The following TNRC6B variants were observed in gnomAD, a reference collection of about 807,000 sequenced individuals.
The protein encoded by TNRC6B is trinucleotide repeat containing adaptor 6B.
Under a neutral mutation model 203.6 loss-of-function variants are expected in TNRC6B, and 52 were observed. The ratio of observed to expected loss-of-function variants is 0.26; its 90% confidence interval spans 0.20 to 0.32. The LOEUF is 0.32. Ranked by LOEUF, TNRC6B falls within the 10% of genes least tolerant of loss-of-function variation. The pLI, the probability that TNRC6B is intolerant of heterozygous loss-of-function variation, is 1.00. For synonymous variants in TNRC6B, 838 were observed against 845.7 expected (o/e 0.99, Z 0.16); for missense variants, 1,923 against 2,286.2 (o/e 0.84, Z 3.24).
At chr22:40,306,263 G>C (rs1055488633) in intron 15 of TNRC6B, among the ~76,000 whole-genome samples, 1 of 152,176 alleles carries the variant, frequency 6.6e-6, no homozygotes, top group Non-Finnish European at 1.5e-5. Flanking sequence ...CTGCACTCCA[G>C]CCTGGGCGAC....
At chr22:40,289,375 A>C (rs1418149276) in intron 12 of TNRC6B, among the ~76,000 whole-genome samples, 1 of 152,202 alleles carries the variant, frequency 6.6e-6, no homozygotes, top group Non-Finnish European at 1.5e-5. Flanking sequence ...CTAGAGCAAA[A>C]GAGTGCAGTT....
intron 1 of TNRC6B, among the ~76,000 whole-genome samples, chr22:40,060,339 C>T (rs1426113574): frequency 2.0e-5 from 3 of 151,940 alleles, no homozygotes; most frequent in South Asian, 2.1e-4. Context: ...CCACCACACC[C>T]GGCTAATTTT....
intron 1 of TNRC6B, among the ~76,000 whole-genome samples, chr22:40,211,890 A>G (rs1312688133): frequency 6.6e-6 from 1 of 151,938 alleles, no homozygotes; most frequent in Non-Finnish European, 1.5e-5. Context: ...CAAAGCCTGA[A>G]CTCTTCGTAT....
Position 40,308,584 on chromosome 22 carries a change from A to G in TNRC6B, c.4193A>G (p.Gln1398Arg). ...KEAGTESRFK[Q>R]WTSMMEGLPS... ...GCTGGAACCGAGTCTCGCTTTAAAC[A>G]GTGGACCTCCATGATGGAGGGGCTG... The change falls in exon 16 of 23, where the codon CAG becomes CGG. Residue 1398 changes from glutamine to arginine, a missense_variant. Gln to Arg is a conservative substitution (Grantham distance 43). Around this residue, in one of 8 missense-constraint regions of TNRC6B, gnomAD observed 242 missense variants for 399.5 expected, o/e 0.61. Transcript: ENST00000454349. The G allele has an allele frequency of 6.2e-7, 1 of 1,614,014 alleles. No individual in the cohort carries two copies. The highest frequency in any genetic ancestry group is 1.1e-5 in the South Asian group (1 of 91,082).
At chr22:40,153,290 A>T (rs1316682424) in intron 3 of TNRC6B, among the ~76,000 whole-genome samples, 1 of 152,174 alleles carries the variant, frequency 6.6e-6, no homozygotes, top group East Asian at 1.9e-4. Flanking sequence ...TCTGGGAAAC[A>T]GATGCTCCAG....
intron 1 of TNRC6B, among the ~76,000 whole-genome samples, chr22:40,052,444 A>ATTTTTTT (rs908013463): frequency 5.4e-4 from 28 of 51,858 alleles, no homozygotes; most frequent in South Asian, 1.7e-3. Flanking sequence ...TGTGTATTGT[A>ATTTTTTT]TTTTTTTTTT....
At chr22:40,226,371 G>A (rs1406508984) in intron 1 of TNRC6B, among the ~76,000 whole-genome samples, 1 of 151,976 alleles carries the variant, frequency 6.6e-6, no homozygotes, top group East Asian at 1.9e-4. Flanking sequence ...CTTTCTCAGA[G>A]GATTTCCAGG....
intron 3 of TNRC6B, among the ~76,000 whole-genome samples, chr22:40,258,272 T>C (rs12628051): frequency 0.32 from 48,176 of 151,534 alleles, 8,301 homozygotes; most frequent in South Asian, 0.46. Flanking sequence ...AAAAGTAACA[T>C]ATTCAGACTT....
chr22:40,194,621 C>T (rs1467816841), intron 1 of TNRC6B, among the ~76,000 whole-genome samples: 1 of 152,176 alleles, frequency 6.6e-6, no homozygotes, highest in Non-Finnish European at 1.5e-5. Context: ...GTTTTCCCCA[C>T]CTGCTTTGCA....
intron 17 of TNRC6B, among the ~76,000 whole-genome samples, chr22:40,311,255 T>C (rs930106491): frequency 6.6e-6 from 1 of 152,218 alleles, no homozygotes; most frequent in Non-Finnish European, 1.5e-5. Flanking sequence ...ACATGGGTTC[T>C]TTTGAAGTGT....
intron 1 of TNRC6B, among the ~76,000 whole-genome samples, chr22:40,064,370 T>G (rs2146274369): frequency 6.6e-6 from 1 of 152,174 alleles, no homozygotes. Flanking sequence ...TGATGTTAGC[T>G]GATTTTTTTT....
intron 1 of TNRC6B, among the ~76,000 whole-genome samples, chr22:40,103,483 A>G (rs143794988): frequency 0.023 from 3,481 of 152,232 alleles, 66 homozygotes; most frequent in Admixed American, 0.053. Flanking sequence ...AGGTTCATTC[A>G]TGTTGTAGTA....
chr22:40,185,031 G>T (rs1016360083), intron 1 of TNRC6B, among the ~76,000 whole-genome samples: 2 of 151,914 alleles, frequency 1.3e-5, no homozygotes, highest in Admixed American at 1.3e-4. Flanking sequence ...AGTCTTGCTC[G>T]CCAGGCTGGA....
chr22:40,295,690 A>T, intron 12 of TNRC6B, among the ~76,000 whole-genome samples: 1 of 152,190 alleles, frequency 6.6e-6, no homozygotes, highest in Non-Finnish European at 1.5e-5. Context: ...GTAAGGGTAA[A>T]AGCAAGCATG....
At chr22:40,045,053 A>C (rs2067673707) in intron 1 of TNRC6B, 7 of 143,812 alleles carry the variant, frequency 4.9e-5, no homozygotes, top group South Asian at 4.5e-4. Context: ...CCCCGCCGGG[A>C]CGGAGCGGGG....
chr22:40,135,162 C>G (rs920937288), intron 3 of TNRC6B, among the ~76,000 whole-genome samples: 5 of 152,192 alleles, frequency 3.3e-5, no homozygotes, highest in African/African-American at 1.2e-4. Flanking sequence ...AGGGAGCATT[C>G]CAACTGTGCA....
At chr22:40,111,590 T>C (rs902581544) in intron 1 of TNRC6B, among the ~76,000 whole-genome samples, 2 of 152,318 alleles carry the variant, frequency 1.3e-5, no homozygotes, top group South Asian at 4.1e-4. Context: ...GAACTGCTGA[T>C]GTTCACAGAC....
chr22:40,274,790 G>A (rs1370518441), intron 7 of TNRC6B, among the ~76,000 whole-genome samples: 1 of 152,182 alleles, frequency 6.6e-6, no homozygotes, highest in Non-Finnish European at 1.5e-5. Context: ...CTGTGTGAAA[G>A]TCCTCATCAC....
intron 1 of TNRC6B, among the ~76,000 whole-genome samples, chr22:40,186,750 A>C (rs2069209151): frequency 6.6e-6 from 1 of 151,780 alleles, no homozygotes. Flanking sequence ...AAAAAAAAAA[A>C]AGTTAAAAAT....
Sources: allele counts gnomAD v4.1 joint callset (sites outside exome capture counted in the v4.1 genomes callset), GRCh38; gene constraint gnomAD v4.1.1; regional missense constraint gnomAD v4.1.1; transcripts MANE v1.5; gene names NCBI Gene and HGNC (gene_info 2026-07-23, HGNC 2026-07-21).